SUPT16H: variants seen among roughly 807,000 people sequenced by gnomAD.
SUPT16H encodes the protein SPT16 homolog, facilitates chromatin remodeling subunit.
In SUPT16H, 24 loss-of-function variants were observed where a neutral mutation model predicts 136.2. The ratio of observed to expected loss-of-function variants is 0.18; its 90% confidence interval spans 0.13 to 0.25. The LOEUF is 0.25. Among genes scored for constraint, SUPT16H ranks in the 10% least tolerant of loss-of-function variants. The probability of loss-of-function intolerance (pLI) is 1.00; values close to 1 mark genes in which losing one functional copy is unlikely to be tolerated. For missense variants in SUPT16H, 623 were observed against 1,270.2 expected (o/e 0.49, Z 7.74); for synonymous variants, 415 against 428.2 (o/e 0.97, Z 0.38).
Position 21,352,501 on chromosome 14 carries a change from T to G in SUPT16H, c.*172A>C, listed in dbSNP as rs970198560. ...ATGGGGCCATTGGCACGTGTCCTGG[T>G]GGGCCTGGAATTCCCCGAGTAGATT... is the stretch of plus-strand genomic sequence containing the variant. On this transcript the variant is annotated 3_prime_UTR_variant, in exon 26 of 26. Coordinates refer to ENST00000216297, the MANE Select transcript of SUPT16H (RefSeq NM_007192.4). The G allele has an allele frequency of 3.8e-6, 4 of 1,040,142 alleles. No homozygotes were observed. Among genetic ancestry groups the G allele is most frequent in the Non-Finnish European group, 5.6e-6 (4 of 715,286 alleles). The allele number at this position is 1,040,142 out of a possible 1,614,324, so 64.4% of individuals were successfully genotyped here. A position where few individuals can be genotyped will look rare whatever the true frequency, so the allele number is the denominator to read the frequency against.
At chr14:21,360,567 T>G (rs1269661518) in intron 17 of SUPT16H, 34 bp from the exon 18 acceptor site, 1 of 1,577,064 alleles carries the variant, frequency 6.3e-7, no homozygotes, top group Non-Finnish European at 8.7e-7. Flanking sequence ...TCAAGCAGTA[T>G]AATTAAGTTA....
intron 15 of SUPT16H, 32 bp from the exon 16 acceptor site, chr14:21,361,245 T>C (rs1543494): frequency 0.89 from 1,434,859 of 1,610,292 alleles, 642,129 homozygotes; most frequent in Middle Eastern, 0.91. Flanking sequence ...TATAGACATT[T>C]CTTTTTCAGG....
chr14:21,373,237 C>G, intron 2 of SUPT16H, 101 bp downstream of exon 2: 2 of 981,002 alleles, frequency 2.0e-6, no homozygotes, highest in Admixed American at 3.5e-5. Flanking sequence ...TGAGCCACCG[C>G]AGCCAGCCAG....
chr14:21,367,094 C>T (rs1010884755), intron 7 of SUPT16H, among the ~76,000 whole-genome samples: 6 of 152,162 alleles, frequency 3.9e-5, no homozygotes, highest in African/African-American at 1.2e-4. Context: ...GTGCCTGCCA[C>T]CACGCCCGGC....
chr14:21,382,027 G>C (rs1887037649), intron 1 of SUPT16H, among the ~76,000 whole-genome samples: 1 of 152,054 alleles, frequency 6.6e-6, no homozygotes, highest in Admixed American at 6.6e-5. Context: ...GCTATATCCA[G>C]GAGGATAAGC....
rs1440050070 is a variant in SUPT16H, at chr14:21,383,938, G to A, written c.-11C>T. 2.5e-6 allele frequency: 4 copies of A among 1,612,216 alleles called. No individual in the cohort carries two copies. The African/African-American group carries it at 4.0e-5, about 16-fold the overall frequency. ...CAGAGTCACAGCCATAGCCCCGGACGCCGCTTCTCCTCGGGTTCCGAGAAT... is the reference window on the plus strand; with the variant it reads ...CAGAGTCACAGCCATAGCCCCGGACACCGCTTCTCCTCGGGTTCCGAGAAT... On this transcript the variant is annotated 5_prime_UTR_variant, in exon 1 of 26. Coordinates refer to ENST00000216297, the MANE Select transcript of SUPT16H (RefSeq NM_007192.4).
intron 1 of SUPT16H, among the ~76,000 whole-genome samples, chr14:21,375,116 C>T (rs1357349905): frequency 6.6e-6 from 1 of 151,964 alleles, no homozygotes; most frequent in Non-Finnish European, 1.5e-5. Context: ...TAGGTTCAAG[C>T]GATTCTTGTG....
Position 21,360,487 on chromosome 14 carries a change from G to A in SUPT16H, c.2103C>T (p.Tyr701=), listed in dbSNP as rs1267190968. The stretch of plus-strand genomic sequence containing the variant: ...GGAACAAAGCATGCTTAATATTATT[G>A]TACAAAATATCCACTTTGTCTCCTC... ...SVRGDKVDIL[Y]NNIKHALFQP... The change falls in exon 18 of 26, where the codon TAC becomes TAT. Residue 701 remains tyrosine (Y), a synonymous_variant. Transcript: ENST00000216297. The A allele has an allele frequency of 5.6e-6, 9 of 1,614,022 alleles. No individual in the cohort carries two copies. Among genetic ancestry groups the A allele is most frequent in the Non-Finnish European group, 7.6e-6 (9 of 1,179,980 alleles).
At chr14:21,374,930 A>G (rs1886869291) in intron 1 of SUPT16H, among the ~76,000 whole-genome samples, 1 of 152,214 alleles carries the variant, frequency 6.6e-6, no homozygotes, top group Non-Finnish European at 1.5e-5. Flanking sequence ...CTAAGAATGT[A>G]TCAAGGTTCC....
At chr14:21,364,460 C>T (rs1305183806) in intron 10 of SUPT16H, among the ~76,000 whole-genome samples, 2 of 152,004 alleles carry the variant, frequency 1.3e-5, no homozygotes, top group Admixed American at 6.5e-5. Flanking sequence ...GATGGTTACA[C>T]AAATGTGAAA....
At chr14:21,362,132 A>G in intron 15 of SUPT16H, 65 bp downstream of exon 15, 1 of 1,543,598 alleles carries the variant, frequency 6.5e-7, no homozygotes, top group Admixed American at 2.1e-5. Context: ...ACAGACAATG[A>G]AATGTTTCTG....
chr14:21,352,543 C>A lies in SUPT16H; in HGVS notation c.*130G>T, dbSNP rs544575178. ...GAGTAGATTGGTCCACACAAATGGC[C>A]CCCTAAACCCATAAACACAAATGGC... On this transcript the variant is annotated 3_prime_UTR_variant, in exon 26 of 26. Transcript: ENST00000216297. 67 of 1,454,180 alleles carry A rather than the reference C, an allele frequency of 4.6e-5. No individual in the cohort carries two copies. In the East Asian group the frequency reaches 1.4e-3, roughly 30 times the overall value. The allele number at this position is 1,454,180 out of a possible 1,614,324, so 90.1% of individuals were successfully genotyped here.
chr14:21,383,901 A>G lies in SUPT16H; in HGVS notation c.27T>C (p.Ala9=). ...ACAGTCTCTTCACTCGCCGATAATA[A>G]GCGTCTTTGTCCAGAGTCACAGCCA... MAVTLDKD[A]YYRRVKRLYS... is the part of the protein sequence containing the mutation. Residue 9 remains alanine, a synonymous_variant, in exon 1 of 26, where the codon GCT becomes GCC. Transcript: ENST00000216297. 6.2e-7 allele frequency: 1 copy of G among 1,613,094 alleles called. No individual in the cohort carries two copies. The highest frequency in any genetic ancestry group is 8.5e-7 in the Non-Finnish European group (1 of 1,180,014).
chr14:21,356,408 AGGCAGACTCTG>A (rs1210479327), intron 22 of SUPT16H, among the ~76,000 whole-genome samples: 2 of 152,208 alleles, frequency 1.3e-5, no homozygotes, highest in Non-Finnish European at 2.9e-5. Flanking sequence ...ACAGGGCATC[AGGCAGACTCTG>A]AAGAGTATTG....
chr14:21,372,811 T>C, intron 2 of SUPT16H: 1 of 359,950 alleles, frequency 2.8e-6, no homozygotes, highest in Non-Finnish European at 5.3e-6. Context: ...AATACTTCTT[T>C]TTCCTTATGT....
At chr14:21,355,668 G>T (rs890014890) in intron 22 of SUPT16H, among the ~76,000 whole-genome samples, 1 of 151,860 alleles carries the variant, frequency 6.6e-6, no homozygotes, top group Non-Finnish European at 1.5e-5. Context: ...AGTACCTAAA[G>T]TGCCCTGTAT....
At chr14:21,356,108 G>C (rs549189996) in intron 22 of SUPT16H, among the ~76,000 whole-genome samples, 2 of 152,326 alleles carry the variant, frequency 1.3e-5, no homozygotes, top group South Asian at 2.1e-4. Context: ...CAGGAACTGA[G>C]ACAAAGTAGG....
intron 21 of SUPT16H, 106 bp from the exon 22 acceptor site, chr14:21,357,472 C>A: frequency 8.0e-7 from 1 of 1,249,198 alleles, no homozygotes. Flanking sequence ...ATAACTTAAG[C>A]TGTTTTTTGG....
In SUPT16H at chr14:21,357,343, A is replaced by G. The variant is rs1256940145; in HGVS notation, c.2514T>C (p.Asp838=). The change falls in exon 22 of 26, where the codon GAT becomes GAC. Residue 838 remains aspartate, a synonymous_variant. Transcript: ENST00000216297. ...TEWPPFVVTL[D]EVELIHFERV... ...GCTCAAAGTGGATCAGCTCTACCTC[A>G]TCCAATGTCACCACAAAAGGTGGCT... 1 of 1,594,170 alleles carries G rather than the reference A, an allele frequency of 6.3e-7. No homozygotes were observed. Among genetic ancestry groups the G allele is most frequent in the East Asian group, 2.3e-5 (1 of 44,146 alleles).
Sources: allele counts gnomAD v4.1 joint callset (sites outside exome capture counted in the v4.1 genomes callset), GRCh38; gene constraint gnomAD v4.1.1; transcripts MANE v1.5; gene names NCBI Gene and HGNC (gene_info 2026-07-23, HGNC 2026-07-21).